EML6: variants seen among roughly 807,000 people sequenced by gnomAD.
EML6 encodes EMAP like 6.
Under a neutral mutation model 240.1 loss-of-function variants are expected in EML6, and 154 were observed. The observed-to-expected ratio is 0.64, with a 90% CI of 0.56 to 0.73. EML6 has a LOEUF of 0.73. Ranked by LOEUF, EML6 falls within the 30% of genes least tolerant of loss-of-function variation. The probability of loss-of-function intolerance (pLI) is 0.00; values close to 1 mark genes in which losing one functional copy is unlikely to be tolerated. For synonymous variants in EML6, 1,148 were observed against 899.0 expected (o/e 1.28, Z -4.95); for missense variants, 2,964 against 2,474.6 (o/e 1.20, Z -4.20).
intron 17 of EML6, chr2:54,882,128 A>C (rs1671847480): frequency 6.6e-6 from 1 of 152,218 alleles, no homozygotes; most frequent in African/African-American, 2.4e-5. Flanking sequence ...TGGACCATAG[A>C]GATCTTATTT....
intron 7 of EML6, among the ~76,000 whole-genome samples, chr2:54,834,841 C>T (rs1349437666): frequency 2.0e-5 from 3 of 152,200 alleles, no homozygotes; most frequent in Non-Finnish European, 4.4e-5. Context: ...TAGAATATTG[C>T]AGTTGCTTTG....
intron 2 of EML6, among the ~76,000 whole-genome samples, chr2:54,806,228 T>A (rs1670469953): frequency 6.6e-6 from 1 of 152,196 alleles, no homozygotes; most frequent in South Asian, 2.1e-4. Context: ...AAATGGTTTT[T>A]ACCAGTTTAA....
Position 54,852,859 on chromosome 2 carries a change from C to T in EML6, c.1445-784C>T, listed in dbSNP as rs897705800. Among the ~76,000 whole-genome samples the T allele has an allele frequency of 4.6e-5, 7 of 152,164 alleles. No homozygotes were observed. The South Asian group carries it at 8.3e-4, about 18-fold the overall frequency. ...TTTTAAAATTGTGTGTGGTTAAACA[C>T]TTTCCCAAATGTATGTATGTTTGCT... On this transcript the variant is annotated intron_variant, in intron 10 of 41. Coordinates refer to ENST00000356458, the MANE Select transcript of EML6 (RefSeq NM_001039753.4).
At chr2:54,863,145 C>G (rs1670771924) in intron 12 of EML6, among the ~76,000 whole-genome samples, 1 of 152,086 alleles carries the variant, frequency 6.6e-6, no homozygotes, top group Admixed American at 6.5e-5. Flanking sequence ...GTGGTTTGGG[C>G]CATGACAATT....
At chr2:54,806,782 C>G (rs531397992) in intron 2 of EML6, among the ~76,000 whole-genome samples, 5 of 152,116 alleles carry the variant, frequency 3.3e-5, no homozygotes, top group African/African-American at 1.2e-4. Flanking sequence ...TTATTAAGTA[C>G]TCATAGTACC....
intron 2 of EML6, among the ~76,000 whole-genome samples, chr2:54,799,162 G>C: frequency 6.6e-6 from 1 of 152,186 alleles, no homozygotes; most frequent in East Asian, 1.9e-4. Flanking sequence ...CTGAATTCAA[G>C]TGATTCTCTT....
In EML6 at chr2:54,917,452, C is replaced by T. The variant is rs531391290; in HGVS notation, c.3675+517C>T. Among the ~76,000 whole-genome samples, 8 of 149,992 alleles carry T rather than the reference C, an allele frequency of 5.3e-5. No individual in the cohort carries two copies. In the South Asian group the frequency reaches 1.7e-3, roughly 31 times the overall value. ...CCATCTCGGCTGACCGCAACTTCTG[C>T]CTCCCAGGTTCAGGCAATTCCCTGC... On this transcript the variant is annotated intron_variant, in intron 26 of 41. Coordinates refer to ENST00000356458, the MANE Select transcript of EML6 (RefSeq NM_001039753.4).
At chr2:54,893,015 C>T (rs1263500237) in intron 19 of EML6, among the ~76,000 whole-genome samples, 4 of 152,180 alleles carry the variant, frequency 2.6e-5, no homozygotes, top group Non-Finnish European at 5.9e-5. Flanking sequence ...TGGGCAGAGA[C>T]CTGAAAGTAC....
At chr2:54,937,782 A>G (rs1675224755) in intron 28 of EML6, among the ~76,000 whole-genome samples, 1 of 152,168 alleles carries the variant, frequency 6.6e-6, no homozygotes, top group Admixed American at 6.5e-5. Context: ...AAAAGTTTCA[A>G]GCAACAGTGT....
At chr2:54,907,741 T>C (rs1196627591) in intron 24 of EML6, among the ~76,000 whole-genome samples, 1 of 152,192 alleles carries the variant, frequency 6.6e-6, no homozygotes. Context: ...TTTTAATCTG[T>C]GTGAGCAGAT....
chr2:54,936,294 C>G (rs1343551346), intron 28 of EML6, among the ~76,000 whole-genome samples: 1 of 152,126 alleles, frequency 6.6e-6, no homozygotes, highest in African/African-American at 2.4e-5. Flanking sequence ...TGATCTTTTA[C>G]TGAAATTCAT....
chr2:54,770,422 T>C (rs1052791885), intron 2 of EML6, among the ~76,000 whole-genome samples: 1 of 152,222 alleles, frequency 6.6e-6, no homozygotes, highest in Non-Finnish European at 1.5e-5. Flanking sequence ...AGCTGTGAAC[T>C]CTACTGCATT....
intron 5 of EML6, among the ~76,000 whole-genome samples, chr2:54,824,337 CAAAG>C (rs1429725114): frequency 3.9e-5 from 6 of 152,126 alleles, no homozygotes; most frequent in Admixed American, 2.0e-4. Flanking sequence ...ATTTTTACCT[CAAAG>C]AATCTGGAAT....
At position 54,847,637 on chromosome 2, in the gene EML6, T is replaced by TTGAAAA; in HGVS notation, c.1187+17_1187+22dup. The TTGAAAA allele has an allele frequency of 6.4e-7, 1 of 1,551,234 alleles. No homozygotes were observed. The highest frequency in any genetic ancestry group is 1.4e-5 in the African/African-American group (1 of 73,128). On this transcript the variant is annotated intron_variant, in intron 9 of 41. Coordinates refer to ENST00000356458, the MANE Select transcript of EML6 (RefSeq NM_001039753.4). ...TCTCCGAGTCAGGCACGTACTGATG[T>TTGAAAA]TGAAAATGGTATTTAGAAATGCTCT...
At chr2:54,881,996 C>G (rs1299996820) in intron 17 of EML6, 1 of 152,242 alleles carries the variant, frequency 6.6e-6, no homozygotes, top group Non-Finnish European at 1.5e-5. Flanking sequence ...CTGCTGGTGG[C>G]TGTGCTGACG....
At chr2:54,811,427 G>A (rs1572936568) in intron 2 of EML6, among the ~76,000 whole-genome samples, 1 of 152,156 alleles carries the variant, frequency 6.6e-6, no homozygotes, top group Admixed American at 6.5e-5. Context: ...ATGAACTCGT[G>A]TCTTCCCTAA....
At position 54,908,903 on chromosome 2, in the gene EML6, G is replaced by A. The variant is rs531322747; in HGVS notation, c.3410-2051G>A. Among the ~76,000 whole-genome samples the A allele has an allele frequency of 8.2e-4, 125 of 152,274 alleles. 2 individuals carry two copies. The highest frequency in any genetic ancestry group is 2.9e-3 in the African/African-American group (121 of 41,546). ...AAACATGACCGCGGGGGCAGTTCTC[G>A]GGGAAGGGGCATGTGCTAGATAGGG... On this transcript the variant is annotated intron_variant, in intron 24 of 41. Coordinates refer to ENST00000356458, the MANE Select transcript of EML6 (RefSeq NM_001039753.4).
chr2:54,921,552 A>T (rs1029272156), intron 26 of EML6, among the ~76,000 whole-genome samples: 3 of 152,044 alleles, frequency 2.0e-5, no homozygotes, highest in African/African-American at 7.2e-5. Flanking sequence ...TTCCAAAGGC[A>T]TTTTTTTCAC....
intron 6 of EML6, 84 bp from the exon 7 acceptor site, chr2:54,829,258 T>C: frequency 2.2e-6 from 3 of 1,338,904 alleles, no homozygotes; most frequent in Non-Finnish European, 3.0e-6. Flanking sequence ...TGACTTGCTA[T>C]GTTTTTAAAT....
Sources: gnomAD v4.1 joint callset for allele counts (sites outside exome capture counted in the v4.1 genomes callset) on GRCh38, gnomAD v4.1.1 for gene constraint, MANE v1.5 for transcripts, NCBI Gene and HGNC (gene_info 2026-07-23, HGNC 2026-07-21) for gene names.